The following NPTN variants were observed in gnomAD, a reference collection of about 807,000 sequenced individuals.
NPTN encodes SDR-1.
NPTN carries 5 observed loss-of-function variants against 42.7 expected under a neutral mutation model. That is an observed-to-expected ratio of 0.12 (90% CI 0.06 to 0.25). NPTN has a LOEUF of 0.25. Ranked by LOEUF, NPTN falls within the 10% of genes least tolerant of loss-of-function variation. The probability of loss-of-function intolerance (pLI) is 1.00; values close to 1 mark genes in which losing one functional copy is unlikely to be tolerated. For missense variants in NPTN, 307 were observed against 525.4 expected (o/e 0.58, Z 4.06); for synonymous variants, 180 against 201.9 (o/e 0.89, Z 0.92).
chr15:73,586,553 G>C (rs550196444), intron 4 of NPTN, among the ~76,000 whole-genome samples: 141 of 152,246 alleles, frequency 9.3e-4, no homozygotes, highest in Non-Finnish European at 1.6e-3. Context: ...TGGAAACTTT[G>C]AATGTGTCTA....
chr15:73,580,441 A>AATATATAAT (rs1895949131), intron 4 of NPTN, among the ~76,000 whole-genome samples: 1 of 113,956 alleles, frequency 8.8e-6, no homozygotes, highest in African/African-American at 4.1e-5. Flanking sequence ...TAATATATAT[A>AATATATAAT]ATATATATGT....
rs1895247343 is a variant in NPTN at position 73,569,547 on chromosome 15, C to T, written c.1114+603G>A. ...CAGACTCTCCTTTGTCTGTGAGACACAGATGGAAAGCCACCCAGCAGAGAG... is the reference window on the plus strand; with the variant it reads ...CAGACTCTCCTTTGTCTGTGAGACATAGATGGAAAGCCACCCAGCAGAGAG... On this transcript the variant is annotated intron_variant, in intron 6 of 8. Coordinates refer to ENST00000345330, the MANE Select transcript of NPTN (RefSeq NM_012428.4). The surrounding 1 kb of genome is among the most constrained non-coding windows in gnomAD (Gnocchi z 4.1). 6.1e-6 allele frequency: 6 copies of T among 985,454 alleles called. No individual in the cohort carries two copies. The South Asian group carries it at 2.8e-4, about 46-fold the overall frequency. 61.0% of individuals were successfully genotyped at this position (985,454 alleles called of 1,614,324 possible). A position where few individuals can be genotyped will look rare whatever the true frequency, so the allele number is the denominator to read the frequency against.
At position 73,560,875 on chromosome 15, in the gene NPTN, C is replaced by A. The variant is rs1340263169; in HGVS notation, c.*188G>T. The A allele has an allele frequency of 6.6e-6, 1 of 152,144 alleles. No homozygotes were observed. The highest frequency in any genetic ancestry group is 1.5e-5 in the Non-Finnish European group (1 of 67,934). 9.4% of individuals were successfully genotyped at this position (152,144 alleles called of 1,614,324 possible). A position where few individuals can be genotyped will look rare whatever the true frequency, so the allele number is the denominator to read the frequency against. The stretch of plus-strand genomic sequence containing the variant: ...CCCAAAATAGTTTACACCTTCTACA[C>A]TGAAGCATTGTTTAAAATGTACCTG... On this transcript the variant is annotated 3_prime_UTR_variant, in exon 9 of 9. Transcript: ENST00000345330.
chr15:73,625,626 C>T (rs917708390), intron 1 of NPTN, among the ~76,000 whole-genome samples: 5 of 152,112 alleles, frequency 3.3e-5, no homozygotes, highest in African/African-American at 9.7e-5. Context: ...CCACCGCGTC[C>T]GGCCAAGAGC....
intron 5 of NPTN, among the ~76,000 whole-genome samples, 193 bp downstream of exon 5, chr15:73,573,469 C>T (rs1015842393): frequency 6.6e-6 from 1 of 152,142 alleles, no homozygotes; most frequent in African/African-American, 2.4e-5. Context: ...TAACAAATCA[C>T]GTACAGGGAT....
intron 1 of NPTN, among the ~76,000 whole-genome samples, chr15:73,612,627 G>A (rs1004685991): frequency 2.0e-5 from 3 of 152,114 alleles, no homozygotes; most frequent in East Asian, 1.9e-4. Flanking sequence ...AAAATTAGCC[G>A]GGCGTGGTGG....
intron 1 of NPTN, among the ~76,000 whole-genome samples, chr15:73,613,643 T>C (rs549198306): frequency 2.6e-5 from 4 of 152,168 alleles, no homozygotes; most frequent in Non-Finnish European, 5.9e-5. Context: ...TCTCTAATAG[T>C]GTCTCAGAAA....
intron 1 of NPTN, among the ~76,000 whole-genome samples, chr15:73,630,253 C>G (rs1010171045): frequency 6.6e-6 from 1 of 152,190 alleles, no homozygotes; most frequent in African/African-American, 2.4e-5. Flanking sequence ...CAAGATCACT[C>G]AGCTACTGAC....
Position 73,594,734 on chromosome 15 carries a change from C to G in NPTN, c.439+2288G>C, listed in dbSNP as rs1896753758. On this transcript the variant is annotated intron_variant, in intron 2 of 8. Transcript: ENST00000345330. ...AAAGCAGTGGATAGGAGACCCTTAC[C>G]CCAGCCATCATGCATATATAAAGAA... Among the ~76,000 whole-genome samples the G allele has an allele frequency of 3.9e-5, 6 of 152,058 alleles. No individual in the cohort carries two copies. The South Asian group carries it at 1.2e-3, about 32-fold the overall frequency.
At chr15:73,567,001 GCTTT>G (rs1296728698) in intron 6 of NPTN, 413 of 856,518 alleles carry the variant, frequency 4.8e-4, no homozygotes, top group East Asian at 1.1e-3. Context: ...AAGACATGGG[GCTTT>G]TTTTTTTTTT....
At chr15:73,601,710 C>T (rs966611260) in intron 1 of NPTN, among the ~76,000 whole-genome samples, 4 of 152,190 alleles carry the variant, frequency 2.6e-5, no homozygotes, top group African/African-American at 9.7e-5. Context: ...ATCGTCTCCA[C>T]CCACTATCTT....
At chr15:73,596,989 T>C (rs771152713) in intron 2 of NPTN, 33 bp downstream of exon 2, 7 of 1,567,640 alleles carry the variant, frequency 4.5e-6, no homozygotes, top group Non-Finnish European at 6.1e-6. Flanking sequence ...CTCTAATGAC[T>C]ACAGTACTAC....
At position 73,613,851 on chromosome 15, in the gene NPTN, A is replaced by G. The variant is rs1006135615; in HGVS notation, c.92-16482T>C. The stretch of plus-strand genomic sequence containing the variant: ...CAGGCGCCCACCACCATGCCTGGCT[A>G]ATTTTTGTGTTTTTAGTAGAGACAG... On this transcript the variant is annotated intron_variant, in intron 1 of 8. Coordinates refer to ENST00000345330, the MANE Select transcript of NPTN (RefSeq NM_012428.4). Among the ~76,000 whole-genome samples, 5 of 151,856 alleles carry G rather than the reference A, an allele frequency of 3.3e-5. No homozygotes were observed. The East Asian group carries it at 9.7e-4, about 30-fold the overall frequency.
chr15:73,566,379 A>G (rs1895006070), intron 6 of NPTN, among the ~76,000 whole-genome samples: 1 of 152,220 alleles, frequency 6.6e-6, no homozygotes, highest in Admixed American at 6.5e-5. Context: ...AAAACCTCAA[A>G]TATCTTCTCC....
chr15:73,587,102 A>T (rs1896354832), intron 4 of NPTN, among the ~76,000 whole-genome samples: 1 of 152,192 alleles, frequency 6.6e-6, no homozygotes, highest in African/African-American at 2.4e-5. Flanking sequence ...CCCACAGAAG[A>T]CCTATGTAAT....
intron 6 of NPTN, among the ~76,000 whole-genome samples, chr15:73,563,910 CTG>C (rs1894833352): frequency 6.6e-6 from 1 of 152,190 alleles, no homozygotes; most frequent in Admixed American, 6.5e-5. Context: ...CCGAGGAAAG[CTG>C]AACAGTGGTG....
intron 4 of NPTN, among the ~76,000 whole-genome samples, chr15:73,580,873 C>CT (rs1318325435): frequency 6.6e-6 from 1 of 152,052 alleles, no homozygotes; most frequent in Non-Finnish European, 1.5e-5. Context: ...GATCTCGACT[C>CT]TATTACTCAC....
chr15:73,576,712 T>G (rs538601505), intron 4 of NPTN, among the ~76,000 whole-genome samples: 3 of 152,300 alleles, frequency 2.0e-5, no homozygotes, highest in Non-Finnish European at 4.4e-5. Flanking sequence ...CTCGTAAGTA[T>G]TTGAGGGTAC....
intron 1 of NPTN, among the ~76,000 whole-genome samples, chr15:73,609,788 GTATA>G (rs1897480798): frequency 6.6e-6 from 1 of 151,974 alleles, no homozygotes; most frequent in African/African-American, 2.4e-5. Context: ...CACATAATAA[GTATA>G]TATATTTATG....
Sources: gnomAD v4.1 joint callset for allele counts (sites outside exome capture counted in the v4.1 genomes callset) on GRCh38, gnomAD v4.1.1 for gene constraint, Gnocchi (gnomAD v3.1) non-coding constraint, MANE v1.5 for transcripts, NCBI Gene and HGNC (gene_info 2026-07-23, HGNC 2026-07-21) for gene names.